Variants in ABI2 observed in about 807,000 individuals in gnomAD.
ABI2 encodes abelson interactor 2.
Under a neutral mutation model 59.2 loss-of-function variants are expected in ABI2, and 25 were observed. The ratio of observed to expected loss-of-function variants is 0.42; its 90% CI spans 0.31 to 0.59. The LOEUF (loss-of-function observed/expected upper bound fraction) is 0.59. ABI2 is among the 20% of genes least tolerant of loss of function. The pLI is 0.14. For synonymous variants in ABI2, 213 were observed against 235.5 expected (o/e 0.90, Z 0.87); for missense variants, 545 against 681.8 (o/e 0.80, Z 2.23).
At position 203,402,747 on chromosome 2, in the gene ABI2, GT is replaced by G; in HGVS notation, c.1192+20del. The G allele has an allele frequency of 6.5e-7, 1 of 1,547,234 alleles. No individual in the cohort carries two copies. ...AGCCAGAATCCAGGTTAGTTTTTTT[GT>G]TTTTTTGCATTCTATAGAATGTATT... is the stretch of plus-strand genomic sequence containing the variant. On this transcript the variant is annotated intron_variant, in intron 9 of 11. Coordinates refer to ENST00000261018, the MANE Select transcript of ABI2 (RefSeq NM_001375670.1).
chr2:203,333,700 T>C (rs970850916), intron 1 of ABI2, among the ~76,000 whole-genome samples: 2 of 152,202 alleles, frequency 1.3e-5, no homozygotes, highest in African/African-American at 4.8e-5. Flanking sequence ...TTTGACAAGA[T>C]TGCAAAAACA....
In ABI2 at chr2:203,428,019, C is replaced by CTA. The variant is rs1489577326; in HGVS notation, c.*668_*669insAT. 8 of 152,338 alleles carry CTA rather than the reference C, an allele frequency of 5.3e-5. No homozygotes were observed. Among genetic ancestry groups the CTA allele is most frequent in the South Asian group, 2.1e-4 (1 of 4,828 alleles). 9.4% of individuals were successfully genotyped at this position (152,338 alleles called of 1,614,324 possible). ...TGAAATGTGAAAGTCTCCCAACACT[C>CTA]TGAGGGTGGTGAACGATTGCCACCC... On this transcript the variant is annotated 3_prime_UTR_variant, in exon 12 of 12. Coordinates refer to ENST00000261018, the MANE Select transcript of ABI2 (RefSeq NM_001375670.1).
chr2:203,385,139 C>CTTTTTTTTTTTTTTTTTTTTTTTTTTT lies in ABI2; in HGVS notation c.480+2946_480+2947insTTTTTTTTTTTTTTTTTTTTTTTTTTT, dbSNP rs10527327. Reference sequence around the variant, plus strand: ...TGAGCCACCGCACCCGGCTCAGATTCTTTTTTTTTTTTTGAGACAGTCTTG... The same window carrying CTTTTTTTTTTTTTTTTTTTTTTTTTTT: ...TGAGCCACCGCACCCGGCTCAGATTCTTTTTTTTTTTTTTTTTTTTTTTTTTTTTTTTTTTTTTTTGAGACAGTCTTG... On this transcript the variant is annotated intron_variant, in intron 4 of 11. Transcript: ENST00000261018. Among the ~76,000 whole-genome samples the CTTTTTTTTTTTTTTTTTTTTTTTTTTT allele has an allele frequency of 2.7e-4, 19 of 69,964 alleles. 4 individuals carry two copies. The highest frequency in any genetic ancestry group is 4.8e-4 in the African/African-American group (10 of 20,988). The allele number at this position is 69,964 out of a possible 152,430, so 45.9% of individuals were successfully genotyped here.
chr2:203,370,425 A>G (rs565248885), intron 2 of ABI2, among the ~76,000 whole-genome samples: 104 of 152,024 alleles, frequency 6.8e-4, no homozygotes, highest in Non-Finnish European at 1.3e-3. Flanking sequence ...AGAGATGTGG[A>G]CAGATTTGAG....
At chr2:203,422,337 ACACTGCTTAGAAAAT>A (rs1370787742) in intron 11 of ABI2, among the ~76,000 whole-genome samples, 8 of 152,308 alleles carry the variant, frequency 5.3e-5, no homozygotes, top group African/African-American at 1.9e-4. Context: ...TCTGCCACCC[ACACTGCTTAGAAAAT>A]CTCAGGTACC....
chr2:203,340,905 TCTC>T lies in ABI2; in HGVS notation c.117+12277_117+12279del, dbSNP rs555584170. Among the ~76,000 whole-genome samples, 6 of 152,284 alleles carry T rather than the reference TCTC, an allele frequency of 3.9e-5. No individual in the cohort carries two copies. The East Asian group carries it at 9.6e-4, about 24-fold the overall frequency. On this transcript the variant is annotated intron_variant, in intron 1 of 11. Coordinates refer to ENST00000261018, the MANE Select transcript of ABI2 (RefSeq NM_001375670.1). ...CAATCAGCATCTAGCCTTGACATCATCTCCTGTTACACTCCTTTACCCTTCTTT... is the reference window on the plus strand; with the variant it reads ...CAATCAGCATCTAGCCTTGACATCATCTGTTACACTCCTTTACCCTTCTTT...
chr2:203,349,033 A>G lies in ABI2; in HGVS notation c.118-17844A>G, dbSNP rs370704799. Among the ~76,000 whole-genome samples the G allele has an allele frequency of 1.1e-4, 17 of 151,948 alleles. No individual in the cohort carries two copies. In the East Asian group the frequency reaches 2.7e-3, roughly 24 times the overall value. ...CTGCAGCCTCTACCTCGTGGGTTCA[A>G]GTGATTCTCCTGCCTCAGCCTCCTG... is the stretch of plus-strand genomic sequence containing the variant. On this transcript the variant is annotated intron_variant, in intron 1 of 11. Coordinates refer to ENST00000261018, the MANE Select transcript of ABI2 (RefSeq NM_001375670.1).
At chr2:203,363,727 G>A (rs765508716) in intron 1 of ABI2, among the ~76,000 whole-genome samples, 28 of 152,042 alleles carry the variant, frequency 1.8e-4, no homozygotes, top group Non-Finnish European at 3.4e-4. Flanking sequence ...TTTTATGGCC[G>A]AATAGTACTC....
intron 9 of ABI2, chr2:203,403,239 A>C (rs922271375): frequency 6.5e-6 from 1 of 152,726 alleles, no homozygotes; most frequent in Non-Finnish European, 1.5e-5. Flanking sequence ...TAATTACACT[A>C]AATAATCGGT....
At chr2:203,343,025 GT>G (rs2080965017) in intron 1 of ABI2, among the ~76,000 whole-genome samples, 1 of 152,158 alleles carries the variant, frequency 6.6e-6, no homozygotes, top group Non-Finnish European at 1.5e-5. Context: ...CATGAGATCT[GT>G]GGAAGAAGAA....
At chr2:203,399,302 T>A (rs986455858) in intron 8 of ABI2, among the ~76,000 whole-genome samples, 15 of 152,208 alleles carry the variant, frequency 9.9e-5, no homozygotes. Context: ...CTAATGATAT[T>A]GAACATTTTT....
At chr2:203,349,496 C>G (rs1427254966) in intron 1 of ABI2, among the ~76,000 whole-genome samples, 1 of 152,090 alleles carries the variant, frequency 6.6e-6, no homozygotes, top group Non-Finnish European at 1.5e-5. Context: ...CCTCTGCCTC[C>G]CACGTTCAAG....
chr2:203,344,171 TTA>T (rs1295474001), intron 1 of ABI2, among the ~76,000 whole-genome samples: 2 of 152,198 alleles, frequency 1.3e-5, no homozygotes, highest in African/African-American at 4.8e-5. Flanking sequence ...CTTCAACTGT[TTA>T]GAGACAGTCT....
At chr2:203,382,106 T>C in intron 3 of ABI2, 83 bp from the exon 4 acceptor site, 1 of 1,210,550 alleles carries the variant, frequency 8.3e-7, no homozygotes, top group Non-Finnish European at 1.1e-6. Flanking sequence ...TTTTTTTCCT[T>C]TCTCTTCACA....
Position 203,372,082 on chromosome 2 carries a change from G to A in ABI2, c.285+5038G>A, listed in dbSNP as rs1318910103. ...TAGGCAGAGGACCCTGCGGCCTTCC[G>A]CAGTGTTTGTGTCCCTGGGTACTTG... On this transcript the variant is annotated intron_variant, in intron 2 of 11. Transcript: ENST00000261018. Among the ~76,000 whole-genome samples the A allele has an allele frequency of 7.2e-5, 11 of 152,006 alleles. No homozygotes were observed. In the East Asian group the frequency reaches 1.2e-3, roughly 16 times the overall value.
chr2:203,380,729 A>T (rs937086696), intron 3 of ABI2, among the ~76,000 whole-genome samples: 4 of 152,232 alleles, frequency 2.6e-5, no homozygotes, highest in Non-Finnish European at 5.9e-5. Context: ...TGTTTACCTT[A>T]TCTCAAGTAT....
intron 9 of ABI2, among the ~76,000 whole-genome samples, chr2:203,404,419 C>A (rs940479482): frequency 6.6e-6 from 1 of 152,180 alleles, no homozygotes; most frequent in South Asian, 2.1e-4. Context: ...TTTGGCTATG[C>A]CATTCTTTTT....
Position 203,382,217 on chromosome 2 carries a change from C to T in ABI2, c.480+11C>T. 1.3e-6 allele frequency: 2 copies of T among 1,526,434 alleles called. No homozygotes were observed. Among genetic ancestry groups the T allele is most frequent in the East Asian group, 2.5e-5 (1 of 40,362 alleles). The allele number at this position is 1,526,434 out of a possible 1,614,324, so 94.6% of individuals were successfully genotyped here. A position where few individuals can be genotyped will look rare whatever the true frequency, so the allele number is the denominator to read the frequency against. The stretch of plus-strand genomic sequence containing the variant: ...TTGCTTAGATTTAAGGTAAGAGATT[C>T]CAGGGCTGGATTTCCATTCTTTGTT... On this transcript the variant is annotated intron_variant, in intron 4 of 11. Coordinates refer to ENST00000261018, the MANE Select transcript of ABI2 (RefSeq NM_001375670.1).
intron 8 of ABI2, among the ~76,000 whole-genome samples, chr2:203,400,888 T>C (rs1381261566): frequency 6.6e-6 from 1 of 152,228 alleles, no homozygotes; most frequent in African/African-American, 2.4e-5. Flanking sequence ...AAGACTCAGC[T>C]GAGAAATATG....
Sources: gnomAD v4.1 joint callset for allele counts (sites outside exome capture counted in the v4.1 genomes callset) on GRCh38, gnomAD v4.1.1 for gene constraint, MANE v1.5 for transcripts, NCBI Gene and HGNC (gene_info 2026-07-23, HGNC 2026-07-21) for gene names.